Variants in ATP2C2 observed in about 807,000 individuals in gnomAD.
ATP2C2 encodes ATPase secretory pathway Ca2+ transporting 2, also known as calcium-transporting ATPase type 2C member 2.
A neutral mutation model predicts 110.8 loss-of-function variants in ATP2C2; 171 were observed. The observed-to-expected ratio is 1.54, with a 90% confidence interval of 1.36 to 1.75. ATP2C2 has a LOEUF of 1.75. Among genes scored for constraint, ATP2C2 ranks in the 40% most tolerant of loss-of-function variants. The pLI is 0.00. For synonymous variants in ATP2C2, 804 were observed against 508.4 expected, an observed-to-expected ratio of 1.58 and a Z score of -7.82; for missense variants, 1,963 against 1,235.0, an observed-to-expected ratio of 1.59 and a Z score of -8.84.
At position 84,423,232 on chromosome 16, in the gene ATP2C2, G is replaced by C. The variant is rs748337996; in HGVS notation, c.888G>C (p.Lys296Asn). Residue 296 changes from lysine to asparagine, a missense_variant, in exon 10 of 27, where the codon AAG (lysine) becomes AAC (asparagine). Coordinates refer to ENST00000262429, the MANE Select transcript of ATP2C2 (RefSeq NM_014861.4). ...PLQKSMDRLGKQLTLFSFGII... is the reference protein window; with the variant it reads ...PLQKSMDRLGNQLTLFSFGII... ...AGAAAAGCATGGACAGGCTAGGAAA[G>C]CAACTGACACTCTTCTCCTTTGGCA... 53 of 1,614,024 alleles carry C rather than the reference G, an allele frequency of 3.3e-5. No individual in the cohort carries two copies. The highest frequency in any genetic ancestry group is 4.4e-5 in the Non-Finnish European group (52 of 1,180,030).
chr16:84,441,109 GC>G (rs1909216407), intron 14 of ATP2C2, 151 bp downstream of exon 14: 4 of 698,140 alleles, frequency 5.7e-6, no homozygotes, highest in Non-Finnish European at 9.9e-6. Flanking sequence ...TGAAAAAATG[GC>G]CTCAAAAGTG....
chr16:84,417,543 C>T (rs534522972), intron 7 of ATP2C2, among the ~76,000 whole-genome samples: 1 of 152,154 alleles, frequency 6.6e-6, no homozygotes, highest in African/African-American at 2.4e-5. Flanking sequence ...ACTTTTTAGA[C>T]CCCAGGTAAC....
At chr16:84,437,568 C>T (rs1397249295) in intron 11 of ATP2C2, among the ~76,000 whole-genome samples, 6 of 152,172 alleles carry the variant, frequency 3.9e-5, no homozygotes, top group East Asian at 1.9e-4. Flanking sequence ...CAGGCTGGAG[C>T]GCAGTGGCGC....
Position 84,408,429 on chromosome 16 carries a change from C to A in ATP2C2, c.352C>A (p.Leu118Met). The A allele has an allele frequency of 1.2e-6, 2 of 1,613,942 alleles. No homozygotes were observed. The highest frequency in any genetic ancestry group is 1.1e-5 in the South Asian group (1 of 91,076). Residue 118 changes from leucine (L) to methionine (M), a missense_variant, in exon 4 of 27, where the codon CTG becomes ATG. Physicochemically the swap from Leu to Met is conservative, Grantham distance 15. Transcript: ENST00000262429. The stretch of plus-strand genomic sequence containing the variant: ...GTTTAAGAACCCCCTGATCCTGCTG[C>A]TGCTGGGCTCTGCCCTGGTGAGTGT... ...DQFKNPLILL[L>M]LGSALVSVLT... is the part of the protein sequence containing the mutation.
chr16:84,431,658 TGGGG>T (rs773850756), intron 11 of ATP2C2, among the ~76,000 whole-genome samples: 36 of 151,366 alleles, frequency 2.4e-4, no homozygotes, highest in Admixed American at 2.4e-3. Flanking sequence ...GAGGGTCACT[TGGGG>T]GGGACCACAG....
intron 20 of ATP2C2, among the ~76,000 whole-genome samples, chr16:84,453,867 G>A (rs1319262331): frequency 1.3e-5 from 2 of 152,088 alleles, no homozygotes; most frequent in East Asian, 3.9e-4. Context: ...TAGGTACGGA[G>A]TCTTGCTCTG....
chr16:84,377,028 G>A lies in ATP2C2; in HGVS notation c.99+8314G>A, dbSNP rs1341341872. On this transcript the variant is annotated intron_variant, in intron 1 of 26. Coordinates refer to ENST00000262429, the MANE Select transcript of ATP2C2 (RefSeq NM_014861.4). ...AGAGGCTAATAATCCCAGTACCTCT[G>A]GTCTCTAAGGCATCTCACATGATGG... Among the ~76,000 whole-genome samples the A allele has an allele frequency of 2.0e-5, 3 of 152,184 alleles. No homozygotes were observed. The South Asian group carries it at 6.2e-4, about 32-fold the overall frequency.
rs751135294 is a variant in ATP2C2, at chr16:84,460,598, G to C, written c.2334-56G>C. On this transcript the variant is annotated intron_variant, in intron 23 of 26. Coordinates refer to ENST00000262429, the MANE Select transcript of ATP2C2 (RefSeq NM_014861.4). ...GAGGCTCAGGCACAGCTGTTTCAAG[G>C]GTCCTTTATTTCATTCCTGGTTCAT... The C allele has an allele frequency of 4.4e-5, 71 of 1,611,964 alleles. 1 individual carries two copies. The Middle Eastern group carries it at 4.9e-4, about 11-fold the overall frequency.
rs1244220545 is a variant in ATP2C2, at chr16:84,426,198, G to A, written c.986+397G>A. 1.4e-5 allele frequency: 3 copies of A among 209,832 alleles called. No individual in the cohort carries two copies. In the East Asian group the frequency reaches 3.5e-4, roughly 24 times the overall value. The allele number at this position is 209,832 out of a possible 1,614,324, so 13.0% of individuals were successfully genotyped here. A position where few individuals can be genotyped will look rare whatever the true frequency, so the allele number is the denominator to read the frequency against. Reference sequence around the variant, plus strand: ...GTTTCCAATCAAGGCGGAAGGGGAAGGGGGAGCAGGCATGTCACATGGCAA... The same window carrying A: ...GTTTCCAATCAAGGCGGAAGGGGAAAGGGGAGCAGGCATGTCACATGGCAA... On this transcript the variant is annotated intron_variant, in intron 11 of 26. Transcript: ENST00000262429.
In ATP2C2 at chr16:84,454,857, G is replaced by A. The variant is rs764582527; in HGVS notation, c.2020G>A (p.Asp674Asn). The change falls in exon 21 of 27, where the codon GAT becomes AAT. Residue 674 changes from aspartate (D) to asparagine (N), a missense_variant. Coordinates refer to ENST00000262429, the MANE Select transcript of ATP2C2 (RefSeq NM_014861.4). ...ESGAIVAMTG[D>N]GVNDAVALKS... ...AGGGGCGATCGTGGCCATGACTGGG[G>A]ATGGGGTGAACGACGCAGTGGCCCT... is the stretch of plus-strand genomic sequence containing the variant. The A allele has an allele frequency of 6.2e-7, 1 of 1,613,480 alleles. No individual in the cohort carries two copies. Among genetic ancestry groups the A allele is most frequent in the East Asian group, 2.2e-5 (1 of 44,864 alleles).
At chr16:84,435,152 T>C (rs1247727329) in intron 11 of ATP2C2, among the ~76,000 whole-genome samples, 1 of 152,256 alleles carries the variant, frequency 6.6e-6, no homozygotes, top group Non-Finnish European at 1.5e-5. Context: ...GTTGCCAACA[T>C]TTAATGTACC....
chr16:84,461,058 G>T, intron 24 of ATP2C2: 1 of 483,160 alleles, frequency 2.1e-6, no homozygotes, highest in South Asian at 3.5e-5. Flanking sequence ...GCCGAGACGG[G>T]AGTTGAAATG....
At chr16:84,463,349 G>C (rs914463014) in intron 26 of ATP2C2, among the ~76,000 whole-genome samples, 1 of 152,180 alleles carries the variant, frequency 6.6e-6, no homozygotes. Context: ...TCCAGCCCGA[G>C]TCCATAACAT....
At chr16:84,395,029 C>T (rs1036577301) in intron 1 of ATP2C2, among the ~76,000 whole-genome samples, 3 of 152,068 alleles carry the variant, frequency 2.0e-5, no homozygotes, top group African/African-American at 7.3e-5. Flanking sequence ...CTGGATGGAC[C>T]ACATTTTGCT....
At chr16:84,397,591 C>G (rs1462557941) in intron 1 of ATP2C2, among the ~76,000 whole-genome samples, 3 of 135,896 alleles carry the variant, frequency 2.2e-5, no homozygotes, top group Non-Finnish European at 4.6e-5. Context: ...GGAGGATCAC[C>G]TGAGCCTGGG....
chr16:84,404,141 C>G (rs1471248118), intron 2 of ATP2C2, among the ~76,000 whole-genome samples: 1 of 152,230 alleles, frequency 6.6e-6, no homozygotes, highest in Non-Finnish European at 1.5e-5. Flanking sequence ...TCCCCACGTT[C>G]AGGTACGTGA....
At chr16:84,411,173 A>G (rs1240947895) in intron 6 of ATP2C2, among the ~76,000 whole-genome samples, 1 of 152,176 alleles carries the variant, frequency 6.6e-6, no homozygotes, top group Non-Finnish European at 1.5e-5. Flanking sequence ...TAACAAGCAG[A>G]GCCATCAGAA....
At chr16:84,427,562 C>G (rs1335068199) in intron 11 of ATP2C2, among the ~76,000 whole-genome samples, 5 of 152,162 alleles carry the variant, frequency 3.3e-5, no homozygotes, top group Admixed American at 6.5e-5. Context: ...ACTAAAAATA[C>G]AAAAATTAAC....
intron 6 of ATP2C2, 86 bp from the exon 7 acceptor site, chr16:84,415,397 T>C: frequency 2.6e-6 from 3 of 1,144,120 alleles, no homozygotes; most frequent in Non-Finnish European, 4.0e-6. Context: ...AAAAGTGTGT[T>C]TCTATTCTCC....
Sources: gnomAD v4.1 joint callset for allele counts (sites outside exome capture counted in the v4.1 genomes callset) on GRCh38, gnomAD v4.1.1 for gene constraint, MANE v1.5 for transcripts, NCBI Gene and HGNC (gene_info 2026-07-23, HGNC 2026-07-21) for gene names.